CSGALNACT1: variants seen among roughly 807,000 people sequenced by gnomAD.
The protein encoded by CSGALNACT1 is beta4GalNAcT-1.
CSGALNACT1 carries 52 observed loss-of-function variants against 51.0 expected under a neutral mutation model. The ratio of observed to expected loss-of-function variants is 1.02; its 90% confidence interval spans 0.82 to 1.29. The LOEUF (loss-of-function observed/expected upper bound fraction) is 1.29, where lower values mean the gene tolerates loss of function less well. CSGALNACT1 is among the 50% of genes most tolerant of loss of function. The pLI, the probability that CSGALNACT1 is intolerant of heterozygous loss-of-function variation, is 0.00. For missense variants in CSGALNACT1, 935 were observed against 679.2 expected (o/e 1.38, Z -4.19); for synonymous variants, 341 against 254.4 (o/e 1.34, Z -3.24).
At position 19,519,444 on chromosome 8, in the gene CSGALNACT1, G is replaced by C. The variant is rs530365656; in HGVS notation, c.-296-13314C>G. Among the ~76,000 whole-genome samples the C allele has an allele frequency of 2.0e-5, 3 of 152,258 alleles. No individual in the cohort carries two copies. The Middle Eastern group carries it at 0.01, about 518-fold the overall frequency. ...AGTAGACAGAGCTTTTCAATATACAGAGAATTAAACAACACCAGCACAGGG... is the reference window on the plus strand; with the variant it reads ...AGTAGACAGAGCTTTTCAATATACACAGAATTAAACAACACCAGCACAGGG... On this transcript the variant is annotated intron_variant, in intron 3 of 9. Coordinates refer to ENST00000454498, the Ensembl canonical transcript of CSGALNACT1.
chr8:19,678,338 G>A (rs17090675), intron 1 of CSGALNACT1, among the ~76,000 whole-genome samples: 20,052 of 151,992 alleles, frequency 0.13, 1,573 homozygotes, highest in East Asian at 0.36. Flanking sequence ...CAAAGTTTTC[G>A]GATTGGGACT....
At chr8:19,722,266 T>C (rs574947078) in intron 1 of CSGALNACT1, among the ~76,000 whole-genome samples, 1 of 152,318 alleles carries the variant, frequency 6.6e-6, no homozygotes, top group Non-Finnish European at 1.5e-5. Flanking sequence ...CAGTATAGTG[T>C]ATGGCACATA....
chr8:19,716,642 ATTAGCC>A (rs2062827897), intron 1 of CSGALNACT1, among the ~76,000 whole-genome samples: 1 of 149,162 alleles, frequency 6.7e-6, no homozygotes. Context: ...AAAAAAAAAA[ATTAGCC>A]AGATGAGGTG....
chr8:19,504,855 T>A (rs1043105691), intron 4 of CSGALNACT1, among the ~76,000 whole-genome samples: 1 of 152,254 alleles, frequency 6.6e-6, no homozygotes, highest in Non-Finnish European at 1.5e-5. Flanking sequence ...GTTCATGAGC[T>A]TGCTAACCAA....
chr8:19,697,805 T>C (rs2061658852), intron 1 of CSGALNACT1, among the ~76,000 whole-genome samples: 1 of 151,594 alleles, frequency 6.6e-6, no homozygotes, highest in Non-Finnish European at 1.5e-5. Flanking sequence ...GAAACAGAGA[T>C]TGGAAGGTCA....
intron 1 of CSGALNACT1, among the ~76,000 whole-genome samples, chr8:19,752,142 A>ATG (rs1554475718): frequency 5.4e-5 from 8 of 147,262 alleles, no homozygotes; most frequent in South Asian, 2.1e-4. Context: ...ATATTATATG[A>ATG]TATTATATGA....
intron 5 of CSGALNACT1, chr8:19,457,749 G>C: frequency 7.4e-7 from 1 of 1,349,988 alleles, no homozygotes; most frequent in Non-Finnish European, 9.8e-7. Flanking sequence ...AGCCATCACA[G>C]CTTCTAAGAT....
At chr8:19,671,795 T>C (rs2059812882) in intron 1 of CSGALNACT1, among the ~76,000 whole-genome samples, 1 of 152,132 alleles carries the variant, frequency 6.6e-6, no homozygotes, top group African/African-American at 2.4e-5. Flanking sequence ...GAATATAGAT[T>C]TACCAAATTG....
At position 19,625,081 on chromosome 8, in the gene CSGALNACT1, G is replaced by A. The variant is rs543252023; in HGVS notation, c.-543-23216C>T. ...TCAACGACTGAACCATCTCAGCCAG[G>A]AAGGGACACGAGTCAGTTCCATTCA... On this transcript the variant is annotated intron_variant, in intron 1 of 9. Transcript: ENST00000332246. 1.1e-3 allele frequency among the ~76,000 whole-genome samples: 166 copies of A among 152,288 alleles called. 1 individual carries two copies. The highest frequency in any genetic ancestry group is 2.0e-3 in the Non-Finnish European group (135 of 68,022).
intron 3 of CSGALNACT1, among the ~76,000 whole-genome samples, chr8:19,552,177 G>A (rs1285380055): frequency 6.6e-6 from 1 of 152,022 alleles, no homozygotes; most frequent in Non-Finnish European, 1.5e-5. Flanking sequence ...GACTAATGAG[G>A]GATTTAATAA....
upstream of CSGALNACT1, among the ~76,000 whole-genome samples, chr8:19,686,269 G>C (rs769352603): frequency 1.4e-4 from 21 of 152,022 alleles, no homozygotes; most frequent in Non-Finnish European, 8.8e-5. Context: ...CAGGACTCTT[G>C]ATAACAACGG....
At chr8:19,676,597 T>TA (rs776163104) in intron 1 of CSGALNACT1, among the ~76,000 whole-genome samples, 10 of 152,226 alleles carry the variant, frequency 6.6e-5, no homozygotes, top group Non-Finnish European at 1.5e-4. Context: ...AAAGATGTAA[T>TA]ACATGCTGTG....
At chr8:19,518,401 C>T (rs1426956024) in intron 3 of CSGALNACT1, among the ~76,000 whole-genome samples, 1 of 152,134 alleles carries the variant, frequency 6.6e-6, no homozygotes, top group Admixed American at 6.5e-5. Flanking sequence ...AAGGACCAGA[C>T]AAAATGGCAC....
intron 1 of CSGALNACT1, among the ~76,000 whole-genome samples, chr8:19,673,779 A>G (rs1318015844): frequency 6.6e-6 from 1 of 152,242 alleles, no homozygotes; most frequent in Non-Finnish European, 1.5e-5. Context: ...AGAGTTTTAA[A>G]AGAATAGAAA....
chr8:19,531,882 C>G (rs192073276), intron 3 of CSGALNACT1: 127 of 152,420 alleles, frequency 8.3e-4, no homozygotes, highest in African/African-American at 2.9e-3. Context: ...CAATGTCTTT[C>G]CAGCAGATGG....
intron 8 of CSGALNACT1, among the ~76,000 whole-genome samples, chr8:19,412,289 G>C (rs2055950056): frequency 6.6e-6 from 1 of 152,230 alleles, no homozygotes; most frequent in Non-Finnish European, 1.5e-5. Context: ...CTCACAGGAA[G>C]TTTCCAGAGC....
intron 3 of CSGALNACT1, among the ~76,000 whole-genome samples, chr8:19,587,350 T>C (rs987251368): frequency 2.6e-5 from 4 of 152,206 alleles, no homozygotes; most frequent in African/African-American, 9.6e-5. Context: ...GAATCAGATT[T>C]TCCCCAAATG....
rs1018965365 is a variant in CSGALNACT1, at chr8:19,415,173, A to G, written c.1227+3483T>C. Among the ~76,000 whole-genome samples, 6 of 152,180 alleles carry G rather than the reference A, an allele frequency of 3.9e-5. No homozygotes were observed. The South Asian group carries it at 8.3e-4, about 21-fold the overall frequency. ...CTGAACAAGCCAGTTCACCTCTATA[A>G]AAAGAAGAAAGTGAGGAAACACTCT... On this transcript the variant is annotated intron_variant, in intron 8 of 9. Transcript: ENST00000454498.
chr8:19,575,960 T>G (rs2044111865), intron 3 of CSGALNACT1, among the ~76,000 whole-genome samples: 1 of 152,104 alleles, frequency 6.6e-6, no homozygotes, highest in African/African-American at 2.4e-5. Context: ...CATTTCAATC[T>G]TATGCCCAAT....
Sources: allele counts gnomAD v4.1 joint callset (sites outside exome capture counted in the v4.1 genomes callset), GRCh38; gene constraint gnomAD v4.1.1; transcripts MANE v1.5; gene names NCBI Gene and HGNC (gene_info 2026-07-23, HGNC 2026-07-21).